Variants in DENND2A observed in about 807,000 individuals in gnomAD.
DENND2A encodes DENN domain-containing protein 2A.
In DENND2A, 53 loss-of-function variants were observed where a neutral mutation model predicts 105.3. The ratio of observed to expected loss-of-function variants is 0.50; its 90% confidence interval spans 0.40 to 0.63. The LOEUF (loss-of-function observed/expected upper bound fraction) is 0.63. DENND2A is among the 30% of genes least tolerant of loss of function. The pLI is 0.00. For synonymous variants in DENND2A, 522 were observed against 508.4 expected, an observed-to-expected ratio of 1.03 and a Z score of -0.36; for missense variants, 1,138 against 1,279.6, an observed-to-expected ratio of 0.89 and a Z score of 1.69.
chr7:140,557,531 A>ATTTTTTTT (rs1156756617), intron 11 of DENND2A, among the ~76,000 whole-genome samples: 1 of 39,660 alleles, frequency 2.5e-5, no homozygotes, highest in Non-Finnish European at 5.1e-5. Context: ...ATATATATAT[A>ATTTTTTTT]TTTTTTTTTT....
intron 14 of DENND2A, among the ~76,000 whole-genome samples, chr7:140,533,467 C>T (rs566912296): frequency 5.9e-5 from 9 of 152,264 alleles, no homozygotes; most frequent in East Asian, 5.8e-4. Flanking sequence ...CTGGGACACC[C>T]GGAGGCCCTG....
rs185636264 is a variant in DENND2A, at chr7:140,616,808, G to A, written c.-247-11002C>T. ...CATGGGGGCTATTTTCATGTCACTT[G>A]CATTGTCAGTCAGCATCAGAAATAC... On this transcript the variant is annotated intron_variant, in intron 1 of 19. Transcript: ENST00000496613. 3.3e-3 allele frequency among the ~76,000 whole-genome samples: 497 copies of A among 152,272 alleles called. 6 individuals are homozygous for A. The highest frequency in any genetic ancestry group is 0.011 in the African/African-American group (476 of 41,556).
chr7:140,632,009 A>G (rs1800751127), intron 1 of DENND2A, among the ~76,000 whole-genome samples: 1 of 152,124 alleles, frequency 6.6e-6, no homozygotes, highest in South Asian at 2.1e-4. Context: ...AAACTAGAGC[A>G]TATAGCTTCT....
At chr7:140,539,453 A>T (rs1796570702) in intron 14 of DENND2A, among the ~76,000 whole-genome samples, 1 of 152,280 alleles carries the variant, frequency 6.6e-6, no homozygotes, top group African/African-American at 2.4e-5. Flanking sequence ...GCTGAGCACA[A>T]AGCGGGTCCT....
intron 1 of DENND2A, among the ~76,000 whole-genome samples, chr7:140,636,684 C>CA (rs1800948502): frequency 1.0e-5 from 1 of 98,384 alleles, no homozygotes; most frequent in Admixed American, 1.3e-4. Context: ...CCTCCCCAGC[C>CA]TTTTTTTTTT....
chr7:140,566,630 T>C (rs370107450), intron 9 of DENND2A, among the ~76,000 whole-genome samples: 2 of 150,540 alleles, frequency 1.3e-5, no homozygotes, highest in East Asian at 3.9e-4. Flanking sequence ...GCAAAGAGGA[T>C]GGCACGGTCA....
intron 6 of DENND2A, among the ~76,000 whole-genome samples, chr7:140,573,183 T>A (rs1226909532): frequency 1.2e-4 from 19 of 152,198 alleles, no homozygotes; most frequent in Admixed American, 1.2e-3. Context: ...CCTGTTAATC[T>A]GTTTTACGTC....
intron 1 of DENND2A, among the ~76,000 whole-genome samples, chr7:140,613,634 GC>G (rs1799981602): frequency 2.0e-5 from 3 of 149,066 alleles, no homozygotes; most frequent in Admixed American, 1.3e-4. Context: ...CTATGGGGTA[GC>G]CCTGCTTTGC....
intron 9 of DENND2A, among the ~76,000 whole-genome samples, chr7:140,564,646 A>G (rs1797762150): frequency 6.6e-6 from 1 of 152,204 alleles, no homozygotes; most frequent in Non-Finnish European, 1.5e-5. Flanking sequence ...TTCCTTTTAA[A>G]CAGTGAATGT....
At chr7:140,596,167 C>T (rs1363698819) in intron 3 of DENND2A, among the ~76,000 whole-genome samples, 1 of 152,196 alleles carries the variant, frequency 6.6e-6, no homozygotes, top group Non-Finnish European at 1.5e-5. Flanking sequence ...CGATTTCCAC[C>T]TTTCAATGAG....
intron 14 of DENND2A, among the ~76,000 whole-genome samples, chr7:140,539,271 T>C (rs571061376): frequency 1.3e-5 from 2 of 152,272 alleles, no homozygotes; most frequent in South Asian, 4.1e-4. Flanking sequence ...GGATACGGAT[T>C]CTTCCACCTG....
intron 6 of DENND2A, among the ~76,000 whole-genome samples, chr7:140,572,300 C>T (rs547149382): frequency 6.6e-6 from 1 of 151,776 alleles, no homozygotes; most frequent in Non-Finnish European, 1.5e-5. Context: ...AGCCACTGTG[C>T]CCAGCCTCCC....
intron 14 of DENND2A, among the ~76,000 whole-genome samples, chr7:140,528,886 A>G (rs1422578772): frequency 6.6e-6 from 1 of 152,158 alleles, no homozygotes; most frequent in African/African-American, 2.4e-5. Context: ...TGGGAGGCTG[A>G]GGTGGTCAGA....
At chr7:140,591,748 T>A (rs544182623) in intron 3 of DENND2A, among the ~76,000 whole-genome samples, 1 of 150,398 alleles carries the variant, frequency 6.6e-6, no homozygotes, top group Admixed American at 6.6e-5. Context: ...TCTCTTTTCT[T>A]TCTCTTTCCC....
intron 5 of DENND2A, among the ~76,000 whole-genome samples, chr7:140,582,033 T>C (rs1798567430): frequency 6.6e-6 from 1 of 151,970 alleles, no homozygotes; most frequent in Non-Finnish European, 1.5e-5. Flanking sequence ...GGCATGATCT[T>C]GGCTTACTGC....
At chr7:140,585,131 A>G (rs1252737591) in intron 5 of DENND2A, among the ~76,000 whole-genome samples, 1 of 152,140 alleles carries the variant, frequency 6.6e-6, no homozygotes, top group East Asian at 1.9e-4. Flanking sequence ...CCAGGAGTTC[A>G]AGGCTGCAGT....
intron 1 of DENND2A, among the ~76,000 whole-genome samples, chr7:140,627,374 G>A (rs1800571485): frequency 1.3e-5 from 2 of 151,778 alleles, no homozygotes; most frequent in East Asian, 1.9e-4. Flanking sequence ...ACCATGCCTG[G>A]CTAATTTTTT....
chr7:140,639,795 G>C (rs565798498), intron 1 of DENND2A, among the ~76,000 whole-genome samples: 1 of 152,164 alleles, frequency 6.6e-6, no homozygotes, highest in African/African-American at 2.4e-5. Context: ...CCCAATTTAC[G>C]CCCCTGGAGA....
chr7:140,604,446 C>G (rs1341808784), intron 2 of DENND2A, among the ~76,000 whole-genome samples: 1 of 152,190 alleles, frequency 6.6e-6, no homozygotes, highest in Non-Finnish European at 1.5e-5. Context: ...AGTGTGTTTA[C>G]AAAGAGAAAA....
Sources: allele counts gnomAD v4.1 joint callset (sites outside exome capture counted in the v4.1 genomes callset), GRCh38; gene constraint gnomAD v4.1.1; transcripts MANE v1.5; gene names NCBI Gene and HGNC (gene_info 2026-07-23, HGNC 2026-07-21).